BAG6: variants seen among roughly 807,000 people sequenced by gnomAD.
BAG6 encodes large proline-rich protein BAG6.
Under a neutral mutation model 121.0 loss-of-function variants are expected in BAG6, and 22 were observed. That is an observed-to-expected ratio of 0.18 (90% CI 0.13 to 0.26). BAG6 has a LOEUF of 0.26. Among genes scored for constraint, BAG6 ranks in the 10% least tolerant of loss-of-function variants. The pLI is 1.00. For missense variants in BAG6, 1,233 were observed against 1,537.7 expected (o/e 0.80, Z 3.31); for synonymous variants, 583 against 584.6 (o/e 1.00, Z 0.04).
chr6:31,647,151 CCT>C (rs1192036533), intron 7 of BAG6, among the ~76,000 whole-genome samples: 1 of 152,126 alleles, frequency 6.6e-6, no homozygotes, highest in African/African-American at 2.4e-5. Context: ...GATCTGCCCG[CCT>C]CTGCCTCCCA....
In BAG6 at chr6:31,640,113, G is replaced by C; in HGVS notation, c.3246+86C>G. The C allele has an allele frequency of 7.5e-7, 1 of 1,338,860 alleles. No homozygotes were observed. The allele number at this position is 1,338,860 out of a possible 1,614,324, so 82.9% of individuals were successfully genotyped here. Reference sequence around the variant, plus strand: ...GGGGAGGGGAGACTGAATAACAAGAGCTCCCACCATCTCTACATAGTTTGA... The same window carrying C: ...GGGGAGGGGAGACTGAATAACAAGACCTCCCACCATCTCTACATAGTTTGA... On this transcript the variant is annotated intron_variant, in intron 24 of 25. Coordinates refer to ENST00000676615, the MANE Select transcript of BAG6 (RefSeq NM_001387994.1). This position sits in a 1 kb window ranked among gnomAD's most constrained non-coding sequence, Gnocchi z 4.2.
At chr6:31,645,958 G>A (rs528701397) in intron 8 of BAG6, among the ~76,000 whole-genome samples, 1 of 152,206 alleles carries the variant, frequency 6.6e-6, no homozygotes, top group Non-Finnish European at 1.5e-5. Flanking sequence ...GGTTTAGAGA[G>A]AAATTGTTTT....
intron 2 of BAG6, among the ~76,000 whole-genome samples, chr6:31,650,665 CAAAA>C (rs1159426518): frequency 1.3e-5 from 1 of 76,612 alleles, no homozygotes; most frequent in Admixed American, 1.5e-4. Context: ...AACTCCATCT[CAAAA>C]AAAAAAAAAA....
rs961906707 is a variant in BAG6, at chr6:31,639,326, C to CA, written c.3394-101_3394-100insT. 1.0e-4 allele frequency: 148 copies of CA among 1,453,050 alleles called. 3 individuals carry two copies. The South Asian group carries it at 1.7e-3, about 16-fold the overall frequency. The allele number at this position is 1,453,050 out of a possible 1,614,324, so 90.0% of individuals were successfully genotyped here. A position where few individuals can be genotyped will look rare whatever the true frequency, so the allele number is the denominator to read the frequency against. ...CCCTCAGAAGCTAACATTTCCCCCC[C>CA]CAAGCACACTGTCAAATAGCCCGGG... On this transcript the variant is annotated intron_variant, in intron 25 of 25. Coordinates refer to ENST00000676615, the MANE Select transcript of BAG6 (RefSeq NM_001387994.1).
chr6:31,644,495 C>G lies in BAG6; in HGVS notation c.1447+30G>C. 6.3e-7 allele frequency: 1 copy of G among 1,596,058 alleles called. No individual in the cohort carries two copies. The highest frequency in any genetic ancestry group is 8.5e-7 in the Non-Finnish European group (1 of 1,171,674). The stretch of plus-strand genomic sequence containing the variant: ...AGCCCTTCCCTTTCTCTACCCAGAG[C>G]TCAGCCTGCCCTGATGCCCTCACTC... On this transcript the variant is annotated intron_variant, in intron 11 of 25. Coordinates refer to ENST00000676615, the MANE Select transcript of BAG6 (RefSeq NM_001387994.1). This position sits in a 1 kb window ranked among gnomAD's most constrained non-coding sequence, Gnocchi z 4.9.
In BAG6 at chr6:31,642,208, C is replaced by T. The variant is rs770282825; in HGVS notation, c.2239G>A (p.Gly747Arg). ...CTTTCACTGCTGCCAGCCCGAGCCC[C>T]CAGGGAGCCCAGCAGGGAGCTGAGC... Reference protein sequence around the residue: ...GVLSSLLGSLGARAGSSESIA... With the variant: ...GVLSSLLGSLRARAGSSESIA... Residue 747 changes from glycine (G) to arginine (R), a missense_variant, in exon 16 of 26, where the codon GGG (glycine) becomes AGG (arginine). Gly to Arg is a moderately radical substitution (Grantham distance 125). Coordinates refer to ENST00000676615, the MANE Select transcript of BAG6 (RefSeq NM_001387994.1). 1 of 1,612,876 alleles carries T rather than the reference C, an allele frequency of 6.2e-7. No individual in the cohort carries two copies. Among genetic ancestry groups the T allele is most frequent in the Non-Finnish European group, 8.5e-7 (1 of 1,179,976 alleles).
At chr6:31,648,651 G>A (rs756556549) in intron 6 of BAG6, 26 bp downstream of exon 6, 1 of 1,610,272 alleles carries the variant, frequency 6.2e-7, no homozygotes, top group South Asian at 1.1e-5. Context: ...GGTGGAGAGA[G>A]ACCCTAGCCA....
At chr6:31,646,261 C>T in intron 8 of BAG6, 133 bp downstream of exon 8, 1 of 1,354,106 alleles carries the variant, frequency 7.4e-7, no homozygotes, top group Non-Finnish European at 1.0e-6. Context: ...GCTGGGATTA[C>T]AGGCGTGAGC....
In BAG6 at chr6:31,649,364, T is replaced by C; in HGVS notation, c.258A>G (p.Glu86=). ...GGAGGTGAGTCTGAGGAGGAGCCCG[T>C]TCCACCAGGTGGATAACCTTTCCCC... is the stretch of plus-strand genomic sequence containing the variant. ...NVGGKVIHLV[E]RAPPQTHLPS... The change falls in exon 4 of 26, where the codon GAA becomes GAG. Residue 86 remains glutamate, a synonymous_variant. Transcript: ENST00000676615. 1 of 1,609,192 alleles carries C rather than the reference T, an allele frequency of 6.2e-7. No individual in the cohort carries two copies. Among genetic ancestry groups the C allele is most frequent in the Non-Finnish European group, 8.5e-7 (1 of 1,177,774 alleles).
chr6:31,639,707 G>A (rs570370651), intron 24 of BAG6, 61 bp from the exon 25 acceptor site: 25 of 1,545,174 alleles, frequency 1.6e-5, no homozygotes, highest in South Asian at 1.3e-4. Flanking sequence ...GCCACCATCC[G>A]GCTCACCCTT....
In BAG6 at chr6:31,641,732, A is replaced by G; in HGVS notation, c.2505+44T>C. ...GAAGCAGTCAGAAATAAGGAATAAA[A>G]TGTGCAAAAGAGGAGAGTTCTGGGG... is the stretch of plus-strand genomic sequence containing the variant. On this transcript the variant is annotated intron_variant, in intron 17 of 25. Coordinates refer to ENST00000676615, the MANE Select transcript of BAG6 (RefSeq NM_001387994.1). The surrounding 1 kb of genome is among the most constrained non-coding windows in gnomAD (Gnocchi z 5.7). 3 of 1,612,138 alleles carry G rather than the reference A, an allele frequency of 1.9e-6. No individual in the cohort carries two copies. The highest frequency in any genetic ancestry group is 2.2e-5 in the East Asian group (1 of 44,850).
Position 31,649,290 on chromosome 6 carries a change from C to G in BAG6, c.332G>C (p.Gly111Ala). 1 of 1,613,268 alleles carries G rather than the reference C, an allele frequency of 6.2e-7. No individual in the cohort carries two copies. The highest frequency in any genetic ancestry group is 8.5e-7 in the Non-Finnish European group (1 of 1,180,014). ...GTGSASATHGGGSPPGTRGPG... is the reference protein window; with the variant it reads ...GTGSASATHGAGSPPGTRGPG... The stretch of plus-strand genomic sequence containing the variant: ...CCCCCGAGTACCAGGGGGGGATCCC[C>G]CACCATGAGTGGCTGAGGCAGACCC... Residue 111 changes from glycine (G) to alanine (A), a missense_variant, in exon 4 of 26, where the codon GGG (glycine) becomes GCG (alanine). By Grantham distance (60) the Gly-to-Ala change is moderately conservative (BLOSUM62 0). Transcript: ENST00000676615.
intron 3 of BAG6, 44 bp downstream of exon 3, chr6:31,649,466 A>C (rs1793902000): frequency 1.2e-6 from 2 of 1,612,916 alleles, no homozygotes; most frequent in African/African-American, 2.7e-5. Flanking sequence ...TCATCCCTCC[A>C]GACAGTAGCC....
intron 25 of BAG6, 64 bp from the exon 26 acceptor site, chr6:31,639,290 C>T: frequency 2.0e-6 from 3 of 1,510,410 alleles, no homozygotes; most frequent in Non-Finnish European, 2.7e-6. Flanking sequence ...CCAGCAAGCA[C>T]ACAAGGCCAT....
chr6:31,640,884 T>G lies in BAG6; in HGVS notation c.2842A>C (p.Met948Leu). The G allele has an allele frequency of 6.2e-7, 1 of 1,612,578 alleles. No individual in the cohort carries two copies. Among genetic ancestry groups the G allele is most frequent in the Non-Finnish European group, 8.5e-7 (1 of 1,180,002 alleles). Residue 948 changes from methionine to leucine, a missense_variant, in exon 21 of 26, where the codon ATG becomes CTG. Transcript: ENST00000676615. This position sits in a 1 kb window ranked among gnomAD's most constrained non-coding sequence, Gnocchi z 4.2. The stretch of plus-strand genomic sequence containing the variant: ...AGTACCACCTGAAGCCTCAGTCCCA[T>G]CATAGTGGTCAGCCAGCTCACCAAG... ...PSLVSWLTTM[M>L]GLRLQVVLEH...
chr6:31,639,254 G>A lies in BAG6; in HGVS notation c.3394-28C>T, dbSNP rs549855736. 5.0e-6 allele frequency: 8 copies of A among 1,597,614 alleles called. No individual in the cohort carries two copies. In the East Asian group the frequency reaches 1.1e-4, roughly 22 times the overall value. On this transcript the variant is annotated intron_variant, in intron 25 of 25. Coordinates refer to ENST00000676615, the MANE Select transcript of BAG6 (RefSeq NM_001387994.1). The stretch of plus-strand genomic sequence containing the variant: ...AAAGAGAAAAAGTAAGCAGGTTGGA[G>A]AAACGCTGGCCAAGTCCCCATGATC...
At chr6:31,647,878 A>C in intron 6 of BAG6, 52 bp from the exon 7 acceptor site, 1 of 1,499,698 alleles carries the variant, frequency 6.7e-7, no homozygotes, top group South Asian at 1.4e-5. Flanking sequence ...ACTGCTGCAG[A>C]GGATTACTCT....
At position 31,644,605 on chromosome 6, in the gene BAG6, G is replaced by A. The variant is rs112146985; in HGVS notation, c.1370-3C>T. 2 of 1,612,362 alleles carry A rather than the reference G, an allele frequency of 1.2e-6. No individual in the cohort carries two copies. Among genetic ancestry groups the A allele is most frequent in the African/African-American group, 2.7e-5 (2 of 74,886 alleles). On this transcript the variant is annotated splice_polypyrimidine_tract_variant and splice_region_variant and intron_variant, in intron 10 of 25. Coordinates refer to ENST00000676615, the MANE Select transcript of BAG6 (RefSeq NM_001387994.1). The surrounding 1 kb of genome is among the most constrained non-coding windows in gnomAD (Gnocchi z 4.9). ...ACCACCAGGCTGTGTGCCAGAATCT[G>A]GGCAGGGAGACAGAGACAGTGGCCC...
Position 31,640,882 on chromosome 6 carries a change from C to G in BAG6, c.2844G>C (p.Met948Ile). ...CCAGTACCACCTGAAGCCTCAGTCC[C>G]ATCATAGTGGTCAGCCAGCTCACCA... ...PSLVSWLTTM[M>I]GLRLQVVLEH... Residue 948 changes from methionine to isoleucine, a missense_variant, in exon 21 of 26, where the codon ATG becomes ATC. This residue lies in a region of BAG6 where 288 missense variants were observed against 483.1 expected (regional missense o/e 0.60). Transcript: ENST00000676615. The surrounding 1 kb of genome is among the most constrained non-coding windows in gnomAD (Gnocchi z 4.2). 1 of 1,612,766 alleles carries G rather than the reference C, an allele frequency of 6.2e-7. No homozygotes were observed. The highest frequency in any genetic ancestry group is 8.5e-7 in the Non-Finnish European group (1 of 1,180,024).
Sources: gnomAD v4.1 joint callset for allele counts (sites outside exome capture counted in the v4.1 genomes callset) on GRCh38, gnomAD v4.1.1 for gene constraint, gnomAD v4.1.1 regional missense constraint, Gnocchi (gnomAD v3.1) non-coding constraint, MANE v1.5 for transcripts, NCBI Gene and HGNC (gene_info 2026-07-23, HGNC 2026-07-21) for gene names.